CCDC148: variants seen among roughly 807,000 people sequenced by gnomAD.
CCDC148 encodes coiled-coil domain containing 148.
A neutral mutation model predicts 85.7 loss-of-function variants in CCDC148; 89 were observed. The observed-to-expected ratio is 1.04, with a 90% CI of 0.87 to 1.24. The LOEUF (loss-of-function observed/expected upper bound fraction) is 1.24. Ranked by LOEUF, CCDC148 falls within the 50% of genes most tolerant of loss-of-function variation. CCDC148 has a pLI of 0.00. For synonymous variants in CCDC148, 230 were observed against 213.9 expected, an observed-to-expected ratio of 1.08 and a Z score of -0.66; for missense variants, 692 against 671.7, an observed-to-expected ratio of 1.03 and a Z score of -0.33.
chr2:158,276,725 C>G (rs1689964447), intron 9 of CCDC148, among the ~76,000 whole-genome samples: 1 of 152,128 alleles, frequency 6.6e-6, no homozygotes, highest in African/African-American at 2.4e-5. Context: ...TTTCTTTCAG[C>G]CATTTGAAAT....
intron 1 of CCDC148, among the ~76,000 whole-genome samples, chr2:158,413,252 A>G (rs1686346754): frequency 6.6e-6 from 1 of 152,124 alleles, no homozygotes; most frequent in Non-Finnish European, 1.5e-5. Flanking sequence ...ATATTATCCC[A>G]TTAAACTAAC....
intron 7 of CCDC148, among the ~76,000 whole-genome samples, chr2:158,318,104 A>G (rs1205967113): frequency 2.0e-5 from 3 of 152,214 alleles, no homozygotes; most frequent in East Asian, 3.9e-4. Context: ...CAAACACCCA[A>G]TCTAATCAGC....
chr2:158,250,648 C>G (rs1177576850), intron 10 of CCDC148, 124 bp downstream of exon 10: 12 of 1,326,558 alleles, frequency 9.0e-6, no homozygotes, highest in Non-Finnish European at 1.1e-5. Flanking sequence ...AAACATTCCA[C>G]TAGATCTTTA....
At chr2:158,240,657 C>T (rs1193002439) in intron 10 of CCDC148, among the ~76,000 whole-genome samples, 3 of 152,034 alleles carry the variant, frequency 2.0e-5, no homozygotes, top group Non-Finnish European at 4.4e-5. Context: ...CTGATTTTCC[C>T]ACCGCCTGAA....
intron 3 of CCDC148, among the ~76,000 whole-genome samples, chr2:158,341,026 A>T (rs1340677445): frequency 6.6e-6 from 1 of 152,146 alleles, no homozygotes. Context: ...GCAGAAGGAG[A>T]TGTGAGCAAT....
chr2:158,252,465 T>C (rs1186768607), intron 9 of CCDC148, among the ~76,000 whole-genome samples: 1 of 151,726 alleles, frequency 6.6e-6, no homozygotes, highest in African/African-American at 2.4e-5. Flanking sequence ...TTTCACTTGC[T>C]ACAATTAAAA....
intron 11 of CCDC148, among the ~76,000 whole-genome samples, chr2:158,204,150 G>C (rs1239247845): frequency 2.6e-5 from 4 of 152,184 alleles, no homozygotes; most frequent in African/African-American, 9.7e-5. Context: ...GGATGGTGAA[G>C]ACAGATGCAA....
chr2:158,292,294 T>C (rs1029082449), intron 9 of CCDC148, among the ~76,000 whole-genome samples: 9 of 152,204 alleles, frequency 5.9e-5, no homozygotes, highest in Non-Finnish European at 1.0e-4. Flanking sequence ...CATTTGGTTA[T>C]AATCAGCTTG....
intron 1 of CCDC148, among the ~76,000 whole-genome samples, chr2:158,404,709 C>CCAAA (rs1170261056): frequency 6.6e-6 from 1 of 152,062 alleles, no homozygotes; most frequent in Non-Finnish European, 1.5e-5. Flanking sequence ...AAAAAAATAG[C>CCAAA]TCAGCAGTTA....
intron 9 of CCDC148, among the ~76,000 whole-genome samples, chr2:158,284,598 C>T (rs1690526566): frequency 6.6e-6 from 1 of 152,154 alleles, no homozygotes; most frequent in Admixed American, 6.5e-5. Flanking sequence ...AGCTGGGATC[C>T]TTGATAACTG....
intron 9 of CCDC148, among the ~76,000 whole-genome samples, chr2:158,279,055 T>C (rs1690119471): frequency 6.6e-6 from 1 of 152,204 alleles, no homozygotes; most frequent in Non-Finnish European, 1.5e-5. Context: ...CTAACAGACC[T>C]GCACCTGAGG....
chr2:158,338,639 T>C, intron 7 of CCDC148, 87 bp downstream of exon 7: 1 of 874,802 alleles, frequency 1.1e-6, no homozygotes, highest in Non-Finnish European at 1.8e-6. Flanking sequence ...ATAGTAACTA[T>C]ACAGTAAGTT....
At chr2:158,177,123 T>A (rs1684629819) in intron 12 of CCDC148, among the ~76,000 whole-genome samples, 1 of 151,996 alleles carries the variant, frequency 6.6e-6, no homozygotes, top group Non-Finnish European at 1.5e-5. Context: ...GAGCATATAA[T>A]TCTTGGGTCA....
intron 1 of CCDC148, among the ~76,000 whole-genome samples, chr2:158,404,369 G>A (rs1012217540): frequency 6.6e-6 from 1 of 151,904 alleles, no homozygotes; most frequent in Non-Finnish European, 1.5e-5. Context: ...ATTAGTAAAT[G>A]AGGATGCCTA....
chr2:158,197,122 T>C lies in CCDC148; in HGVS notation c.1371-18126A>G, dbSNP rs949558801. 1.2e-4 allele frequency among the ~76,000 whole-genome samples: 18 copies of C among 152,182 alleles called. 1 individual carries two copies. Among genetic ancestry groups the C allele is most frequent in the Admixed American group, 1.2e-3 (18 of 15,254 alleles). On this transcript the variant is annotated intron_variant, in intron 11 of 13. Transcript: ENST00000283233. ...ACTGAAAGTGATCATGGAGAATGAT[T>C]GGGAATTTTATACAGAGAAGTCTTT...
chr2:158,351,558 C>G (rs1185043725), intron 2 of CCDC148, among the ~76,000 whole-genome samples: 1 of 151,946 alleles, frequency 6.6e-6, no homozygotes, highest in Non-Finnish European at 1.5e-5. Flanking sequence ...TATCCCGCAC[C>G]TGGCTTGGAG....
intron 11 of CCDC148, among the ~76,000 whole-genome samples, chr2:158,213,925 G>A (rs111901984): frequency 6.6e-5 from 10 of 152,136 alleles, no homozygotes; most frequent in Non-Finnish European, 1.5e-4. Context: ...TCAGTGCCCT[G>A]CTGAAAAGAA....
chr2:158,219,833 G>T (rs1269523608), intron 11 of CCDC148, among the ~76,000 whole-genome samples: 1 of 152,100 alleles, frequency 6.6e-6, no homozygotes, highest in African/African-American at 2.4e-5. Context: ...CCGTGGAGAG[G>T]GCTCCTCAGT....
intron 9 of CCDC148, among the ~76,000 whole-genome samples, chr2:158,307,078 T>TA (rs755712228): frequency 4.7e-5 from 7 of 150,390 alleles, no homozygotes; most frequent in East Asian, 1.9e-4. Context: ...CATTTAAAAA[T>TA]AAAAAAAAGT....
Sources: allele counts gnomAD v4.1 joint callset (sites outside exome capture counted in the v4.1 genomes callset), GRCh38; gene constraint gnomAD v4.1.1; transcripts MANE v1.5; gene names NCBI Gene and HGNC (gene_info 2026-07-23, HGNC 2026-07-21).